The following ZNF493 variants were observed in gnomAD, a reference collection of about 807,000 sequenced individuals.
The protein encoded by ZNF493 is zinc finger protein 493.
A neutral mutation model predicts 12.2 loss-of-function variants in ZNF493; 11 were observed. That is an observed-to-expected ratio of 0.90 (90% confidence interval 0.57 to 1.50). ZNF493 has a LOEUF of 1.50. ZNF493 is among the 40% of genes most tolerant of loss of function. ZNF493 has a pLI of 0.00. For missense variants in ZNF493, 950 were observed against 906.6 expected, an observed-to-expected ratio of 1.05 and a Z score of -0.61; for synonymous variants, 286 against 302.6, an observed-to-expected ratio of 0.95 and a Z score of 0.57.
intron 3 of ZNF493, among the ~76,000 whole-genome samples, chr19:21,421,751 CA>C (rs1334990667): frequency 1.1e-4 from 17 of 152,260 alleles, no homozygotes; most frequent in African/African-American, 3.9e-4. Context: ...ATACTTTGAA[CA>C]ATTGTCTGAG....
chr19:21,405,442 T>G, intron 2 of ZNF493, 187 bp downstream of exon 2: 1 of 1,409,024 alleles, frequency 7.1e-7, no homozygotes, highest in Non-Finnish European at 9.2e-7. Flanking sequence ...GGCCTGATCT[T>G]TTTACATTTC....
chr19:21,408,887 T>TG, intron 3 of ZNF493: 1 of 889,734 alleles, frequency 1.1e-6, no homozygotes, highest in Non-Finnish European at 1.3e-6. Flanking sequence ...CTTTCTTTTT[T>TG]TTTTTTTTTT....
chr19:21,403,399 G>A (rs562331705), intron 1 of ZNF493, among the ~76,000 whole-genome samples: 1 of 152,184 alleles, frequency 6.6e-6, no homozygotes, highest in Non-Finnish European at 1.5e-5. Flanking sequence ...TGTGGCAAGG[G>A]CAGGCACATG....
At chr19:21,399,195 C>CT (rs1472970933) in intron 1 of ZNF493, among the ~76,000 whole-genome samples, 2 of 151,988 alleles carry the variant, frequency 1.3e-5, no homozygotes, top group African/African-American at 4.8e-5. Flanking sequence ...TTGTCTCACT[C>CT]TGTCGCCCAG....
chr19:21,401,187 C>A (rs2145262461), intron 1 of ZNF493, among the ~76,000 whole-genome samples: 1 of 152,202 alleles, frequency 6.6e-6, no homozygotes, highest in African/African-American at 2.4e-5. Flanking sequence ...TCATTGCAAG[C>A]TTTTTTAACA....
At chr19:21,398,612 A>T (rs766285822) in intron 1 of ZNF493, 10 of 455,072 alleles carry the variant, frequency 2.2e-5, no homozygotes, top group Non-Finnish European at 4.5e-5. Context: ...CTCCCATAAG[A>T]TGACCTGAGG....
chr19:21,411,892 G>A (rs2030338580), intron 3 of ZNF493: 1 of 151,422 alleles, frequency 6.6e-6, no homozygotes. Context: ...ATCTCACATT[G>A]CATTAAATCT....
At chr19:21,417,340 A>T (rs1373592535) in intron 3 of ZNF493, among the ~76,000 whole-genome samples, 3 of 152,170 alleles carry the variant, frequency 2.0e-5, no homozygotes, top group African/African-American at 7.2e-5. Flanking sequence ...CTGTGCTAGC[A>T]GAGTAGCCTT....
chr19:21,422,234 T>C (rs1371492622), intron 3 of ZNF493, among the ~76,000 whole-genome samples: 2 of 152,122 alleles, frequency 1.3e-5, no homozygotes, highest in African/African-American at 2.4e-5. Flanking sequence ...CTGTAACATT[T>C]ACCTTTGGTC....
intron 3 of ZNF493, among the ~76,000 whole-genome samples, chr19:21,420,961 T>C (rs2030659881): frequency 1.3e-5 from 2 of 151,890 alleles, no homozygotes; most frequent in Admixed American, 1.3e-4. Context: ...TTGGTCAGGC[T>C]GGTCTTGAAC....
Position 21,423,301 on chromosome 19 carries a change from A to G in ZNF493, c.642A>G (p.Glu214=). The change falls in exon 4 of 4, where the codon GAA becomes GAG. Residue 214 remains glutamate, a synonymous_variant. Coordinates refer to ENST00000392288, the MANE Select transcript of ZNF493 (RefSeq NM_001076678.3). The part of the protein sequence containing the change: ...HIRENSYRCE[E]CGKAFIWFST... ...GAGAGAATTCTTACCGATGTGAAGA[A>G]TGTGGCAAAGCCTTTATCTGGTTTT... 1 of 1,613,918 alleles carries G rather than the reference A, an allele frequency of 6.2e-7. No individual in the cohort carries two copies.
intron 3 of ZNF493, among the ~76,000 whole-genome samples, chr19:21,406,425 C>G (rs1324883708): frequency 6.6e-6 from 1 of 151,608 alleles, no homozygotes; most frequent in Non-Finnish European, 1.5e-5. Context: ...ATTCTACTTT[C>G]TCTTCATTGA....
intron 1 of ZNF493, chr19:21,398,848 G>C (rs1974213570): frequency 6.7e-6 from 1 of 149,500 alleles, no homozygotes; most frequent in South Asian, 2.0e-4. Flanking sequence ...TAAGGGGGCA[G>C]AAAAATAGTG....
At chr19:21,420,626 T>TATATA (rs1568382555) in intron 3 of ZNF493, among the ~76,000 whole-genome samples, 1 of 54,910 alleles carries the variant, frequency 1.8e-5, no homozygotes, top group Non-Finnish European at 3.5e-5. Context: ...TATATATATT[T>TATATA]TTTTTTTTTT....
intron 3 of ZNF493, among the ~76,000 whole-genome samples, chr19:21,419,884 A>G (rs556125795): frequency 3.3e-4 from 51 of 152,244 alleles, no homozygotes; most frequent in Non-Finnish European, 5.7e-4. Context: ...GAGAGTAAAA[A>G]TGTTCTGAGA....
chr19:21,421,448 T>A (rs1214236669), intron 3 of ZNF493, among the ~76,000 whole-genome samples: 1 of 151,932 alleles, frequency 6.6e-6, no homozygotes, highest in Admixed American at 6.6e-5. Context: ...CCACCACAAC[T>A]TCCACCTCCC....
Position 21,425,191 on chromosome 19 carries a change from G to T in ZNF493, c.*207G>T. The T allele has an allele frequency of 3.0e-6, 2 of 671,608 alleles. No homozygotes were observed. The highest frequency in any genetic ancestry group is 1.8e-5 in the African/African-American group (1 of 55,196). 41.6% of individuals were successfully genotyped at this position (671,608 alleles called of 1,614,324 possible). A position where few individuals can be genotyped will look rare whatever the true frequency, so the allele number is the denominator to read the frequency against. ...CATATTGGAGAGAAATTCTACAGAT[G>T]TGAAGAATGTGGCAAAGGCTTTAAT... On this transcript the variant is annotated 3_prime_UTR_variant, in exon 4 of 4. Transcript: ENST00000392288.
At chr19:21,399,092 T>A (rs182118773) in intron 1 of ZNF493, among the ~76,000 whole-genome samples, 51 of 152,292 alleles carry the variant, frequency 3.3e-4, no homozygotes, top group Admixed American at 1.6e-3. Flanking sequence ...TGGAAGAATC[T>A]CTCAAGTTAT....
chr19:21,415,718 T>C lies in ZNF493; in HGVS notation c.254-7195T>C, dbSNP rs566189326. ...AAATTGTTGGACTGTTTAACATGCCTTGTGGCAACATTTTCCAATGAAAAC... is the reference window on the plus strand; with the variant it reads ...AAATTGTTGGACTGTTTAACATGCCCTGTGGCAACATTTTCCAATGAAAAC... On this transcript the variant is annotated intron_variant, in intron 3 of 3. Transcript: ENST00000392288. Among the ~76,000 whole-genome samples, 35 of 152,302 alleles carry C rather than the reference T, an allele frequency of 2.3e-4. No individual in the cohort carries two copies. In the South Asian group the frequency reaches 6.8e-3, roughly 30 times the overall value.
Sources: allele counts gnomAD v4.1 joint callset (sites outside exome capture counted in the v4.1 genomes callset), GRCh38; gene constraint gnomAD v4.1.1; transcripts MANE v1.5; gene names NCBI Gene and HGNC (gene_info 2026-07-23, HGNC 2026-07-21).